Variants in ESX1 observed in about 807,000 individuals in gnomAD.
The protein encoded by ESX1 is homeobox protein ESX1.
In ESX1, 2 loss-of-function variants were observed where a neutral mutation model predicts 13.2. The observed-to-expected ratio is 0.15, with a 90% CI of 0.06 to 0.48. ESX1 has a LOEUF of 0.48. Among genes scored for constraint, ESX1 ranks in the 20% least tolerant of loss-of-function variants. ESX1 has a pLI of 0.97. For missense variants in ESX1, 307 were observed against 379.0 expected (o/e 0.81, Z 1.58); for synonymous variants, 157 against 163.1 (o/e 0.96, Z 0.29).
chrX:104,254,430 C>G lies in ESX1; in HGVS notation c.230G>C (p.Gly77Ala), dbSNP rs782574164. 1 of 1,212,166 alleles carries G rather than the reference C, an allele frequency of 8.2e-7. No individual in the cohort carries two copies. Among genetic ancestry groups the G allele is most frequent in the Middle Eastern group, 2.3e-4 (1 of 4,355 alleles). The change falls in exon 2 of 4, where the codon GGC becomes GCC. Residue 77 changes from glycine to alanine, a missense_variant. Gly to Ala is a moderately conservative substitution (Grantham distance 60). Transcript: ENST00000372588. Reference protein sequence around the residue: ...VPSDDQDREGGGGHEPEQQQE... With the variant: ...VPSDDQDREGAGGHEPEQQQE... ...CTGTTGCTCCGGCTCGTGGCCGCCG[C>G]CACCCTCACGGTCTTGGTCGTCCGA...
intron 2 of ESX1, among the ~76,000 whole-genome samples, chrX:104,253,659 G>T (rs1174269723): frequency 1.8e-5 from 2 of 110,723 alleles, no homozygotes; most frequent in East Asian, 5.8e-4. Context: ...AGCCTGGCCA[G>T]AAAAGGCCTG....
In ESX1 at chrX:104,254,796, T is replaced by C. The variant is rs1556395605; in HGVS notation, c.54A>G (p.Ala18=). The C allele has an allele frequency of 2.5e-6, 3 of 1,211,167 alleles. No homozygotes were observed. The highest frequency in any genetic ancestry group is 3.5e-5 in the South Asian group (2 of 56,999). The change falls in exon 1 of 4, where the codon GCA becomes GCG. Residue 18 remains alanine (A), a synonymous_variant. Transcript: ENST00000372588. ...TCACTTCCTCGATGTCCTCGCCGACTGCCAGGCTGCGGTAGCCAATATCAC... is the reference window on the plus strand; with the variant it reads ...TCACTTCCTCGATGTCCTCGCCGACCGCCAGGCTGCGGTAGCCAATATCAC... ...THSDIGYRSL[A]VGEDIEEVND...
At position 104,250,627 on chromosome X, in the gene ESX1, C is replaced by T. The variant is rs782627077; in HGVS notation, c.822G>A (p.Ala274=). ...CCATGCGTGAGCCGGGTGGCACAGG[C>T]GCCATGGGTGGCATAGGTGCTATGG... The part of the protein sequence containing the change: ...RPPIAPMPPM[A]PVPPGSRMAP... The change falls in exon 4 of 4, where the codon GCG becomes GCA. Residue 274 remains alanine (A), a synonymous_variant. Coordinates refer to ENST00000372588, the MANE Select transcript of ESX1 (RefSeq NM_153448.4). 26 of 1,205,169 alleles carry T rather than the reference C, an allele frequency of 2.2e-5. No homozygotes were observed. The highest frequency in any genetic ancestry group is 6.0e-5 in the East Asian group (2 of 33,599).
Position 104,254,399 on chromosome X carries a change from C to T in ESX1, c.261G>A (p.Glu87=), listed in dbSNP as rs782101143. 18 of 1,210,178 alleles carry T rather than the reference C, an allele frequency of 1.5e-5. No individual in the cohort carries two copies. The highest frequency in any genetic ancestry group is 5.3e-5 in the South Asian group (3 of 56,807). ...GGGHEPEQQQ[E]EPPLTKPEQQ... Reference sequence around the variant, plus strand: ...GCTCCGGCTTGGTCAGGGGCGGCTCCTCCTGCTGTTGCTCCGGCTCGTGGC... The same window carrying T: ...GCTCCGGCTTGGTCAGGGGCGGCTCTTCCTGCTGTTGCTCCGGCTCGTGGC... Residue 87 remains glutamate, a synonymous_variant, in exon 2 of 4, where the codon GAG becomes GAA. Transcript: ENST00000372588.
At chrX:104,254,656 C>CT in intron 1 of ESX1, 79 bp from the exon 2 acceptor site, 1 of 1,154,030 alleles carries the variant, frequency 8.7e-7, no homozygotes, top group East Asian at 3.0e-5. Flanking sequence ...AGGGGACCCG[C>CT]TATGGAAGAG....
Position 104,250,155 on chromosome X carries a change from CT to C in ESX1, c.*72del. On this transcript the variant is annotated 3_prime_UTR_variant, in exon 4 of 4. Transcript: ENST00000372588. ...CATTTAACAAGCATCTAACGAATTA[CT>C]TGATGCTGTGCTGTGCACAATTTCT... The C allele has an allele frequency of 9.0e-7, 1 of 1,117,237 alleles. No individual in the cohort carries two copies. Among genetic ancestry groups the C allele is most frequent in the East Asian group, 3.2e-5 (1 of 31,592 alleles). 92.1% of individuals were successfully genotyped at this position (1,117,237 alleles called of 1,213,427 possible). A position where few individuals can be genotyped will look rare whatever the true frequency, so the allele number is the denominator to read the frequency against.
intron 3 of ESX1, 123 bp from the exon 4 acceptor site, chrX:104,251,019 C>T (rs1923172771): frequency 3.2e-6 from 2 of 622,864 alleles, no homozygotes; most frequent in Admixed American, 7.1e-5. Flanking sequence ...AAGCTATTTT[C>T]TTATTGCTGA....
At chrX:104,253,142 CA>C (rs1205672253) in intron 2 of ESX1, among the ~76,000 whole-genome samples, 387 of 80,339 alleles carry the variant, frequency 4.8e-3, no homozygotes, top group Middle Eastern at 0.016. Context: ...GAGTGAGTCT[CA>C]AAAAAAAAAC....
chrX:104,251,588 TTTTA>T (rs1272076116), intron 3 of ESX1, among the ~76,000 whole-genome samples: 4 of 112,214 alleles, frequency 3.6e-5, no homozygotes, highest in South Asian at 3.7e-4. Context: ...CCATTCTAAC[TTTTA>T]TTTATTTATT....
chrX:104,252,909 C>T lies in ESX1; in HGVS notation c.507-81G>A, dbSNP rs1235623871. 5.5e-6 allele frequency: 5 copies of T among 913,550 alleles called. No homozygotes were observed. The African/African-American group carries it at 9.7e-5, about 18-fold the overall frequency. The allele number at this position is 913,550 out of a possible 1,213,427, so 75.3% of individuals were successfully genotyped here. On this transcript the variant is annotated intron_variant, in intron 2 of 3. Transcript: ENST00000372588. ...AATATGAACGTGGCTCGGCTCAGCA[C>T]TTTGGGAGGCCGAAGAGGTTGCTGA...
At chrX:104,251,218 T>C (rs1369202438) in intron 3 of ESX1, among the ~76,000 whole-genome samples, 1 of 112,083 alleles carries the variant, frequency 8.9e-6, no homozygotes, top group Non-Finnish European at 1.9e-5. Context: ...TAAAAGTGTC[T>C]TTGGGGGATA....
rs1923120859 is a variant in ESX1, at chrX:104,250,209, CT to C, written c.*18del. Reference sequence around the variant, plus strand: ...CTGGCAGGAAAGAACTTTGGAAAAACTGTTATGAATACCTTACTTTAGAAAA... The same window carrying C: ...CTGGCAGGAAAGAACTTTGGAAAAACGTTATGAATACCTTACTTTAGAAAA... On this transcript the variant is annotated 3_prime_UTR_variant, in exon 4 of 4. Transcript: ENST00000372588. 1 of 1,200,879 alleles carries C rather than the reference CT, an allele frequency of 8.3e-7. No individual in the cohort carries two copies. The highest frequency in any genetic ancestry group is 1.8e-5 in the African/African-American group (1 of 57,081).
At chrX:104,254,681 G>A (rs1923286486) in intron 1 of ESX1, 87 bp downstream of exon 1, 4 of 1,141,012 alleles carry the variant, frequency 3.5e-6, no homozygotes, top group Non-Finnish European at 4.8e-6. Flanking sequence ...TGCGACAGCC[G>A]CGCAGCGTCT....
At position 104,250,265 on chromosome X, in the gene ESX1, G is replaced by A. The variant is rs781845259; in HGVS notation, c.1184C>T (p.Pro395Leu). ...GLAPVHITWA[P>L]VINSYYACPF... ...ACATGCATAATAACTGTTGATGACA[G>A]GGGCCCATGTGATGTGTACAGGAGC... Residue 395 changes from proline to leucine, a missense_variant, in exon 4 of 4, where the codon CCT (proline) becomes CTT (leucine). This residue lies in a region of ESX1 where 47 missense variants were observed against 117.0 expected (regional missense o/e 0.40). Transcript: ENST00000372588. 8.3e-7 allele frequency: 1 copy of A among 1,210,075 alleles called. No homozygotes were observed. The highest frequency in any genetic ancestry group is 3.0e-5 in the East Asian group (1 of 33,664).
chrX:104,254,543 C>A lies in ESX1; in HGVS notation c.117G>T (p.Arg39Ser). 8.3e-7 allele frequency: 1 copy of A among 1,210,239 alleles called. No homozygotes were observed. Among genetic ancestry groups the A allele is most frequent in the Middle Eastern group, 2.3e-4 (1 of 4,347 alleles). The change falls in exon 2 of 4, where the codon AGG becomes AGT. Residue 39 changes from arginine (R) to serine (S), a missense_variant. Around this residue, in one of 3 missense-constraint regions of ESX1, gnomAD observed 152 missense variants for 114.5 expected, o/e 1.33. Transcript: ENST00000372588. ...GTGTATTCTCCTCGTCCTCTCCTCC[C>A]CTTGCCATCAGCGAGGTCACGGTAA... ...EKLTVTSLMA[R>S]GGEDEENTRS...
At position 104,250,379 on chromosome X, in the gene ESX1, A is replaced by G; in HGVS notation, c.1070T>C (p.Leu357Pro). 9.6e-7 allele frequency: 1 copy of G among 1,045,076 alleles called. No homozygotes were observed. The allele number at this position is 1,045,076 out of a possible 1,213,427, so 86.1% of individuals were successfully genotyped here. A position where few individuals can be genotyped will look rare whatever the true frequency, so the allele number is the denominator to read the frequency against. ...AGGCGCCATGGGCGGCCCGGGTGGC[A>G]GAGGCGCCATGGGCGGCCCGGGTGG... The part of the protein sequence containing the change: ...PLPPGPPMAP[L>P]PPGPPMAPLP... Residue 357 changes from leucine to proline, a missense_variant, in exon 4 of 4, where the codon CTG becomes CCG. Physicochemically the swap from Leu to Pro is moderately conservative, Grantham distance 98. Transcript: ENST00000372588.
At chrX:104,251,587 CTTTTA>C in intron 3 of ESX1, among the ~76,000 whole-genome samples, 1 of 112,219 alleles carries the variant, frequency 8.9e-6, no homozygotes. Flanking sequence ...CCCATTCTAA[CTTTTA>C]TTTATTTATT....
chrX:104,254,062 CGG>C, intron 2 of ESX1, 90 bp downstream of exon 2: 1 of 1,068,969 alleles, frequency 9.4e-7, no homozygotes, highest in Admixed American at 3.0e-5. Flanking sequence ...AAACCAAGGG[CGG>C]AGGCAGCGCC....
chrX:104,253,598 G>A (rs942194133), intron 2 of ESX1, among the ~76,000 whole-genome samples: 4 of 111,139 alleles, frequency 3.6e-5, no homozygotes, highest in African/African-American at 1.3e-4. Context: ...AGCCAGAAAG[G>A]TCCCCTTAAC....
Sources: gnomAD v4.1 joint callset for allele counts (sites outside exome capture counted in the v4.1 genomes callset) on GRCh38, gnomAD v4.1.1 for gene constraint, gnomAD v4.1.1 regional missense constraint, MANE v1.5 for transcripts, NCBI Gene and HGNC (gene_info 2026-07-23, HGNC 2026-07-21) for gene names.